The following SFI1 variants were observed in gnomAD, a reference collection of about 807,000 sequenced individuals.
The protein encoded by SFI1 is SFI1 centrin binding protein, also known as protein SFI1 homolog.
A neutral mutation model predicts 207.5 loss-of-function variants in SFI1; 195 were observed. The ratio of observed to expected loss-of-function variants is 0.94; its 90% confidence interval spans 0.84 to 1.06. SFI1 has a LOEUF of 1.06. Among genes scored for constraint, SFI1 ranks in the 50% least tolerant of loss-of-function variants. The pLI, the probability that SFI1 is intolerant of heterozygous loss-of-function variation, is 0.00. For synonymous variants in SFI1, 630 were observed against 598.9 expected (o/e 1.05, Z -0.76); for missense variants, 1,634 against 1,588.0 (o/e 1.03, Z -0.49).
intron 4 of SFI1, among the ~76,000 whole-genome samples, chr22:31,531,683 C>G (rs1378650034): frequency 1.3e-5 from 2 of 152,084 alleles, no homozygotes; most frequent in South Asian, 4.1e-4. Flanking sequence ...CACCTGACAT[C>G]GGGAGTTTGA....
chr22:31,556,788 A>G (rs894684452), intron 6 of SFI1, among the ~76,000 whole-genome samples, 154 bp from the exon 7 acceptor site: 1 of 152,184 alleles, frequency 6.6e-6, no homozygotes. Context: ...TTGCACTCTA[A>G]TTAATTTTCT....
At chr22:31,559,530 C>G (rs1280112858) in intron 7 of SFI1, 2 of 571,304 alleles carry the variant, frequency 3.5e-6, no homozygotes, top group Non-Finnish European at 3.3e-6. Flanking sequence ...TGCGAATACT[C>G]AACAGCAACA....
intron 11 of SFI1, among the ~76,000 whole-genome samples, chr22:31,579,250 C>A (rs183083303): frequency 2.3e-4 from 35 of 152,120 alleles, no homozygotes; most frequent in Middle Eastern, 6.8e-3. Flanking sequence ...CTCAAGTGAT[C>A]CTTCCACTTC....
chr22:31,618,370 T>C lies in SFI1; in HGVS notation c.3681T>C (p.Ile1227=). The C allele has an allele frequency of 6.2e-7, 1 of 1,607,632 alleles. No individual in the cohort carries two copies. The highest frequency in any genetic ancestry group is 2.2e-5 in the East Asian group (1 of 44,690). The change falls in exon 33 of 33, where the codon ATT becomes ATC. Residue 1227 remains isoleucine (I), a synonymous_variant. Transcript: ENST00000400288. ...AGCTCCAGGCTCAGCGCCAGCCCAT[T>C]GGCGCCTGCGTTGCCCGCATCCAGG... ...AEELQAQRQP[I]GACVARIQAL...
chr22:31,546,951 T>C lies in SFI1; in HGVS notation c.429T>C (p.Val143=). The change falls in exon 5 of 33, where the codon GTT becomes GTC. Residue 143 remains valine, a synonymous_variant. Transcript: ENST00000400288. ...TCCAGCACGAGTGGAAACTCTGTGT[T>C]CGAGCTGACTGTCACTACAGGTCAG... ...WVFQHEWKLC[V]RADCHYRYYL... 3 of 1,610,970 alleles carry C rather than the reference T, an allele frequency of 1.9e-6. No homozygotes were observed. The highest frequency in any genetic ancestry group is 2.5e-6 in the Non-Finnish European group (3 of 1,178,338).
chr22:31,603,664 A>G lies in SFI1; in HGVS notation c.1806-80A>G, dbSNP rs1159137648. ...CCCAAAAACTTAACCAGGTAGGGCT[A>G]TGGACTATGAGGAGGAACCCATAGA... On this transcript the variant is annotated intron_variant, in intron 17 of 32. Coordinates refer to ENST00000400288, the MANE Select transcript of SFI1 (RefSeq NM_001007467.3). 11 of 1,227,006 alleles carry G rather than the reference A, an allele frequency of 9.0e-6. No individual in the cohort carries two copies. The South Asian group carries it at 1.2e-4, about 13-fold the overall frequency. 76.0% of individuals were successfully genotyped at this position (1,227,006 alleles called of 1,614,324 possible).
intron 22 of SFI1, among the ~76,000 whole-genome samples, chr22:31,608,929 C>T (rs1004860161): frequency 6.6e-6 from 1 of 151,988 alleles, no homozygotes; most frequent in Non-Finnish European, 1.5e-5. Flanking sequence ...TCACTTGAGC[C>T]CAAGAGCTGG....
rs1292499427 is a variant in SFI1, at chr22:31,528,865, T to G, written c.266+2T>G. ...CCGGTTAAGAGAACTGCGCATCAGG[T>G]GAGCTTATGAGTGGCCACCAGTCTA... On this transcript the variant is annotated splice_donor_variant, in intron 3 of 32. Transcript: ENST00000400288. LOFTEE classifies it high-confidence loss of function. The G allele has an allele frequency of 6.2e-6, 10 of 1,608,874 alleles. No individual in the cohort carries two copies. Among genetic ancestry groups the G allele is most frequent in the Non-Finnish European group, 8.5e-6 (10 of 1,176,612 alleles).
chr22:31,614,059 CCT>C (rs2070898992), intron 27 of SFI1: 1 of 672,756 alleles, frequency 1.5e-6, no homozygotes, highest in South Asian at 2.9e-5. Context: ...ATTTCCAAAC[CCT>C]CTCTCCTTTG....
At chr22:31,525,196 G>T (rs963766016) in intron 2 of SFI1, among the ~76,000 whole-genome samples, 3 of 152,100 alleles carry the variant, frequency 2.0e-5, no homozygotes, top group African/African-American at 7.2e-5. Context: ...TGCTTTTGTT[G>T]CCTGTGCTTT....
Position 31,613,487 on chromosome 22 carries a change from T to G in SFI1, c.2699T>G (p.Met900Arg), listed in dbSNP as rs1397886846. 3.1e-6 allele frequency: 5 copies of G among 1,598,162 alleles called. No homozygotes were observed. Among genetic ancestry groups the G allele is most frequent in the African/African-American group, 2.7e-5 (2 of 74,846 alleles). Residue 900 changes from methionine to arginine, a missense_variant, in exon 26 of 33, where the codon ATG (methionine) becomes AGG (arginine). Transcript: ENST00000400288. ...CGGCTCCTGCGCTTTGCAGCCAGCA[T>G]GAAGGCCTCCCGGCAGCAGCTGCAG... ...ATRLLRFAASMKASRQQLQAQ... is the reference protein window; with the variant it reads ...ATRLLRFAASRKASRQQLQAQ...
chr22:31,533,767 T>C, intron 4 of SFI1, among the ~76,000 whole-genome samples: 1 of 152,190 alleles, frequency 6.6e-6, no homozygotes, highest in East Asian at 1.9e-4. Flanking sequence ...GTGCCTTAAA[T>C]AAATTTTTTT....
chr22:31,600,139 C>A (rs374316340), intron 15 of SFI1, among the ~76,000 whole-genome samples: 1 of 152,068 alleles, frequency 6.6e-6, no homozygotes, highest in African/African-American at 2.4e-5. Context: ...CCTCCTGCCT[C>A]AGCCTCCTGA....
intron 15 of SFI1, among the ~76,000 whole-genome samples, chr22:31,598,228 GC>G (rs1265696893): frequency 6.6e-6 from 1 of 151,530 alleles, no homozygotes; most frequent in Non-Finnish European, 1.5e-5. Context: ...CTCATGATCC[GC>G]CCGCCTTGGC....
In SFI1 at chr22:31,556,996, T is replaced by G; in HGVS notation, c.599T>G (p.Val200Gly). The G allele has an allele frequency of 6.2e-7, 1 of 1,612,624 alleles. No individual in the cohort carries two copies. Among genetic ancestry groups the G allele is most frequent in the Non-Finnish European group, 8.5e-7 (1 of 1,179,062 alleles). The change falls in exon 7 of 33, where the codon GTT becomes GGT. Residue 200 changes from valine to glycine, a missense_variant. By Grantham distance (109) the Val-to-Gly change is moderately radical (BLOSUM62 -3). Coordinates refer to ENST00000400288, the MANE Select transcript of SFI1 (RefSeq NM_001007467.3). ...AWKSWLIYVV[V>G]RRTKLQMQTT... ...AAGTCCTGGTTGATCTACGTGGTTG[T>G]TCGTAGGACCAAACTTCAGATGCAG...
At chr22:31,612,442 C>T (rs1437581322) in intron 24 of SFI1, 1 of 132,400 alleles carries the variant, frequency 7.6e-6, no homozygotes, top group Non-Finnish European at 1.6e-5. Flanking sequence ...GTGGGCCGGG[C>T]ATGATGGCTC....
At chr22:31,500,778 G>A (rs2053612762) in intron 1 of SFI1, among the ~76,000 whole-genome samples, 1 of 150,788 alleles carries the variant, frequency 6.6e-6, no homozygotes, top group South Asian at 2.1e-4. Flanking sequence ...GTTTTTGTGT[G>A]TGTGTGTTTG....
intron 16 of SFI1, 83 bp downstream of exon 16, chr22:31,602,376 A>G (rs2068256978): frequency 2.1e-6 from 3 of 1,399,944 alleles, no homozygotes; most frequent in Non-Finnish European, 2.0e-6. Context: ...CTCCTCAGGA[A>G]GTTGCTCGGA....
At chr22:31,601,078 T>C (rs1233665656) in intron 15 of SFI1, among the ~76,000 whole-genome samples, 1 of 151,840 alleles carries the variant, frequency 6.6e-6, no homozygotes, top group Non-Finnish European at 1.5e-5. Flanking sequence ...TCTGTAGGCC[T>C]AGGCAGAGAT....
Sources: gnomAD v4.1 joint callset for allele counts (sites outside exome capture counted in the v4.1 genomes callset) on GRCh38, gnomAD v4.1.1 for gene constraint, MANE v1.5 for transcripts, NCBI Gene and HGNC (gene_info 2026-07-23, HGNC 2026-07-21) for gene names.